The following DCT variants were observed in gnomAD, a reference collection of about 807,000 sequenced individuals.
DCT encodes the protein dopachrome tautomerase.
A neutral mutation model predicts 53.0 loss-of-function variants in DCT; 47 were observed. The ratio of observed to expected loss-of-function variants is 0.89; its 90% CI spans 0.70 to 1.13. The LOEUF (loss-of-function observed/expected upper bound fraction) is 1.13. DCT is among the 50% of genes most tolerant of loss of function. The probability of loss-of-function intolerance (pLI) is 0.00; values close to 1 mark genes in which losing one functional copy is unlikely to be tolerated. For missense variants in DCT, 669 were observed against 637.4 expected (o/e 1.05, Z -0.53); for synonymous variants, 244 against 237.0 (o/e 1.03, Z -0.27).
intron 1 of DCT, among the ~76,000 whole-genome samples, chr13:94,477,671 A>G (rs1403095627): frequency 1.3e-5 from 2 of 151,010 alleles, no homozygotes; most frequent in Non-Finnish European, 3.0e-5. Flanking sequence ...AAAAAAAAAA[A>G]TCGAATGTCA....
At chr13:94,464,747 G>C (rs930781846) in intron 4 of DCT, among the ~76,000 whole-genome samples, 1 of 152,268 alleles carries the variant, frequency 6.6e-6, no homozygotes, top group East Asian at 1.9e-4. Context: ...GCTGAAATGT[G>C]TTCCAGGTGT....
chr13:94,513,785 G>C, the DCT span, among the ~76,000 whole-genome samples: 73,761 of 151,640 alleles, frequency 0.49, 20,176 homozygotes, highest in African/African-American at 0.74. Context: ...TCAGAAGTTC[G>C]AGACTAGCCT....
chr13:94,465,966 TTTTA>T (rs1264660012), intron 3 of DCT, among the ~76,000 whole-genome samples, 167 bp from the exon 4 acceptor site: 2 of 94,658 alleles, frequency 2.1e-5, no homozygotes, highest in African/African-American at 8.5e-5. Flanking sequence ...TGTGTGTATA[TTTTA>T]TATATATATA....
the DCT span, among the ~76,000 whole-genome samples, chr13:94,537,980 T>G: frequency 6.6e-6 from 1 of 152,222 alleles, no homozygotes; most frequent in African/African-American, 2.4e-5. Flanking sequence ...GAGCACCTAC[T>G]ATGAGTTTTC....
At chr13:94,510,416 G>A in the DCT span, among the ~76,000 whole-genome samples, 2 of 59,478 alleles carry the variant, frequency 3.4e-5, no homozygotes, top group Non-Finnish European at 6.4e-5. Context: ...TTGCATTGTG[G>A]TGAGTCCAAA....
the DCT span, among the ~76,000 whole-genome samples, chr13:94,497,866 G>T: frequency 7.7e-6 from 1 of 130,228 alleles, no homozygotes; most frequent in Non-Finnish European, 1.7e-5. Flanking sequence ...GTTGTTCAGG[G>T]GTCACCTATA....
chr13:94,464,710 G>T (rs1884049358), intron 4 of DCT, among the ~76,000 whole-genome samples: 1 of 151,984 alleles, frequency 6.6e-6, no homozygotes, highest in Admixed American at 6.6e-5. Context: ...AGGAAGGTGA[G>T]GTGAGGAGCC....
At chr13:94,488,881 CAA>C in the DCT span, among the ~76,000 whole-genome samples, 6 of 137,138 alleles carry the variant, frequency 4.4e-5, no homozygotes, top group African/African-American at 1.8e-4. Context: ...CATACACACA[CAA>C]ACACACATAT....
intron 6 of DCT, among the ~76,000 whole-genome samples, chr13:94,449,369 G>C (rs548882364): frequency 1.3e-4 from 20 of 152,208 alleles, no homozygotes; most frequent in Non-Finnish European, 2.2e-4. Flanking sequence ...TCTGCATCTA[G>C]AGAAAGAACC....
the DCT span, among the ~76,000 whole-genome samples, chr13:94,510,961 C>A: frequency 6.6e-6 from 1 of 152,222 alleles, no homozygotes; most frequent in African/African-American, 2.4e-5. Context: ...CTAAATATTT[C>A]TCAAAACTCT....
the DCT span, among the ~76,000 whole-genome samples, chr13:94,509,360 C>G: frequency 6.6e-6 from 1 of 152,228 alleles, no homozygotes; most frequent in Non-Finnish European, 1.5e-5. Flanking sequence ...GTGCTGTTCT[C>G]TCAAATATTT....
intron 1 of DCT, among the ~76,000 whole-genome samples, chr13:94,477,382 C>A (rs1480536743): frequency 6.6e-6 from 1 of 152,144 alleles, no homozygotes; most frequent in Non-Finnish European, 1.5e-5. Context: ...CAGGCGTGAG[C>A]CACTGCACCA....
At chr13:94,507,800 G>A in the DCT span, among the ~76,000 whole-genome samples, 10 of 152,128 alleles carry the variant, frequency 6.6e-5, no homozygotes, top group East Asian at 1.9e-4. Context: ...GCGCCCCGCC[G>A]TATATTGACT....
At chr13:94,538,622 G>A in the DCT span, among the ~76,000 whole-genome samples, 4 of 152,208 alleles carry the variant, frequency 2.6e-5, no homozygotes, top group East Asian at 5.8e-4. Context: ...ACCATAGACC[G>A]TTGTGTTGAG....
the DCT span, among the ~76,000 whole-genome samples, chr13:94,543,539 T>C: frequency 6.6e-6 from 1 of 152,206 alleles, no homozygotes; most frequent in Non-Finnish European, 1.5e-5. Flanking sequence ...AATAGAAATC[T>C]CTCCTGCCTT....
At chr13:94,440,885 T>G (rs1297821616) in intron 7 of DCT, among the ~76,000 whole-genome samples, 1 of 152,066 alleles carries the variant, frequency 6.6e-6, no homozygotes, top group East Asian at 1.9e-4. Context: ...TTCGCCATGT[T>G]GGCCAGGCTG....
the DCT span, among the ~76,000 whole-genome samples, chr13:94,484,820 T>C: frequency 2.0e-5 from 3 of 152,154 alleles, no homozygotes; most frequent in Non-Finnish European, 4.4e-5. Flanking sequence ...CCAAATACAG[T>C]TATATTCTTG....
the DCT span, among the ~76,000 whole-genome samples, chr13:94,501,137 C>T: frequency 3.3e-5 from 5 of 152,006 alleles, no homozygotes; most frequent in South Asian, 2.1e-4. Flanking sequence ...GGCGTGGTGG[C>T]GGGCACCTGC....
At chr13:94,532,585 AC>A in the DCT span, among the ~76,000 whole-genome samples, 1 of 152,170 alleles carries the variant, frequency 6.6e-6, no homozygotes, top group Non-Finnish European at 1.5e-5. Flanking sequence ...GAGTTGAACA[AC>A]GAGAATACAT....
Sources: allele counts gnomAD v4.1 joint callset (sites outside exome capture counted in the v4.1 genomes callset), GRCh38; gene constraint gnomAD v4.1.1; transcripts MANE v1.5; gene names NCBI Gene and HGNC (gene_info 2026-07-23, HGNC 2026-07-21).